Variants in MYLK observed in about 807,000 individuals in gnomAD.
MYLK encodes the protein myosin light chain kinase, smooth muscle.
Under a neutral mutation model 203.4 loss-of-function variants are expected in MYLK, and 106 were observed. The observed-to-expected ratio is 0.52, with a 90% CI of 0.45 to 0.61. MYLK has a LOEUF of 0.61. Among genes scored for constraint, MYLK ranks in the 20% least tolerant of loss-of-function variants. The probability of loss-of-function intolerance (pLI) is 0.00; values close to 1 mark genes in which losing one functional copy is unlikely to be tolerated. For synonymous variants in MYLK, 867 were observed against 959.5 expected (o/e 0.90, Z 1.78); for missense variants, 2,072 against 2,442.3 (o/e 0.85, Z 3.20).
intron 2 of MYLK, among the ~76,000 whole-genome samples, chr3:123,865,667 A>T (rs2032280158): frequency 6.6e-6 from 1 of 152,228 alleles, no homozygotes; most frequent in African/African-American, 2.4e-5. Flanking sequence ...CCTGATCTGA[A>T]GGTGGCAGAT....
chr3:123,625,287 AC>A (rs1406865854), intron 31 of MYLK: 1 of 152,206 alleles, frequency 6.6e-6, no homozygotes, highest in Non-Finnish European at 1.5e-5. Context: ...GATAGTTTAT[AC>A]ATCTTGGTGC....
At chr3:123,808,817 T>C (rs1280608642) in intron 3 of MYLK, among the ~76,000 whole-genome samples, 2 of 152,232 alleles carry the variant, frequency 1.3e-5, no homozygotes, top group East Asian at 1.9e-4. Flanking sequence ...TTCTATAAGA[T>C]ACATACTGTA....
chr3:123,839,764 T>C (rs1402210565), intron 2 of MYLK, among the ~76,000 whole-genome samples: 1 of 152,214 alleles, frequency 6.6e-6, no homozygotes, highest in Admixed American at 6.5e-5. Context: ...CAAATGCATA[T>C]GAAAGATTTA....
At chr3:123,854,640 T>C (rs2031186113) in intron 2 of MYLK, among the ~76,000 whole-genome samples, 1 of 152,156 alleles carries the variant, frequency 6.6e-6, no homozygotes. Flanking sequence ...AAACCTCCTA[T>C]TGGATACAGT....
Position 123,637,973 on chromosome 3 carries a change from A to G in MYLK, c.4961+98T>C, listed in dbSNP as rs536119263. 2,027 of 1,564,006 alleles carry G rather than the reference A, an allele frequency of 1.3e-3. 12 individuals carry two copies. Among genetic ancestry groups the G allele is most frequent in the Middle Eastern group, 0.01 (44 of 4,370 alleles). ...CTGGGGGGGGCTCCCCATCATGACA[A>G]TGGCAGGGCAGCCTGGGGACCCTCC... On this transcript the variant is annotated intron_variant, in intron 29 of 33. Transcript: ENST00000360304.
At chr3:123,632,482 A>G (rs954743113) in intron 29 of MYLK, among the ~76,000 whole-genome samples, 1 of 152,074 alleles carries the variant, frequency 6.6e-6, no homozygotes, top group Non-Finnish European at 1.5e-5. Context: ...ATAGGTCTTA[A>G]TCTCTGCAAC....
chr3:123,797,031 T>A (rs2065012084), intron 3 of MYLK, among the ~76,000 whole-genome samples: 1 of 152,198 alleles, frequency 6.6e-6, no homozygotes, highest in Non-Finnish European at 1.5e-5. Flanking sequence ...TGAGAACTGG[T>A]CAAATACAGT....
At chr3:123,680,357 A>G (rs991915236) in intron 20 of MYLK, among the ~76,000 whole-genome samples, 1 of 152,158 alleles carries the variant, frequency 6.6e-6, no homozygotes, top group Non-Finnish European at 1.5e-5. Flanking sequence ...TAGCTTCTGC[A>G]CCCAGGAGTC....
At chr3:123,692,377 G>T in intron 19 of MYLK, 1 of 1,182,408 alleles carries the variant, frequency 8.5e-7, no homozygotes, top group Non-Finnish European at 1.1e-6. Flanking sequence ...ACACTTGTTT[G>T]TTGTGGCTTT....
At chr3:123,691,826 C>T (rs1560079260) in intron 19 of MYLK, 1 of 152,230 alleles carries the variant, frequency 6.6e-6, no homozygotes, top group Non-Finnish European at 1.5e-5. Context: ...CCTTTTGAGA[C>T]ATTTCCAGGT....
chr3:123,640,558 T>A lies in MYLK; in HGVS notation c.4620-54A>T. The stretch of plus-strand genomic sequence containing the variant: ...GGCCACAGGCTCATGGAGGCCAGGC[T>A]GGCAGGGAGTCTGGCCAGGGTAGGC... On this transcript the variant is annotated intron_variant, in intron 27 of 33. Coordinates refer to ENST00000360304, the MANE Select transcript of MYLK (RefSeq NM_053025.4). The surrounding 1 kb of genome is among the most constrained non-coding windows in gnomAD (Gnocchi z 4.3). 6.3e-7 allele frequency: 1 copy of A among 1,599,270 alleles called. No individual in the cohort carries two copies. Among genetic ancestry groups the A allele is most frequent in the Non-Finnish European group, 8.6e-7 (1 of 1,168,260 alleles).
intron 21 of MYLK, chr3:123,666,799 A>T: frequency 1.8e-6 from 1 of 542,598 alleles, no homozygotes; most frequent in South Asian, 2.2e-5. Context: ...AAATAGCCCC[A>T]AGAGGGTCAT....
At chr3:123,848,236 A>T (rs2030286815) in intron 2 of MYLK, among the ~76,000 whole-genome samples, 1 of 124,574 alleles carries the variant, frequency 8.0e-6, no homozygotes. Flanking sequence ...TCAAAATATT[A>T]TTTGTGGGTC....
chr3:123,688,686 T>C (rs2060552691), intron 19 of MYLK, among the ~76,000 whole-genome samples: 1 of 152,242 alleles, frequency 6.6e-6, no homozygotes, highest in South Asian at 2.1e-4. Flanking sequence ...TGCCCCTTGC[T>C]CATGGCTCCA....
chr3:123,720,066 G>GATAC (rs1157042821), intron 13 of MYLK, among the ~76,000 whole-genome samples: 3 of 152,222 alleles, frequency 2.0e-5, no homozygotes, highest in Admixed American at 2.0e-4. Context: ...CACCATTTAT[G>GATAC]GTATCTGAGC....
chr3:123,754,912 G>A lies in MYLK; in HGVS notation c.166-2374C>T, dbSNP rs115287732. On this transcript the variant is annotated intron_variant, in intron 4 of 33. Coordinates refer to ENST00000360304, the MANE Select transcript of MYLK (RefSeq NM_053025.4). ...AGCCATGCAAATAAATGTTATGCAT[G>A]TTTAAAGGTGACAGATGTCATGCGC... 3.5e-3 allele frequency among the ~76,000 whole-genome samples: 536 copies of A among 152,310 alleles called. 4 individuals carry two copies. Among genetic ancestry groups the A allele is most frequent in the African/African-American group, 0.012 (512 of 41,568 alleles).
chr3:123,873,008 G>A (rs1222690850), intron 2 of MYLK, among the ~76,000 whole-genome samples: 1 of 152,008 alleles, frequency 6.6e-6, no homozygotes, highest in Non-Finnish European at 1.5e-5. Flanking sequence ...CATAAACTCA[G>A]GTATGGTTGA....
intron 3 of MYLK, among the ~76,000 whole-genome samples, chr3:123,809,854 G>C (rs1157131469): frequency 1.3e-5 from 2 of 152,136 alleles, no homozygotes; most frequent in Non-Finnish European, 2.9e-5. Context: ...TCTCAGCAAG[G>C]AAATTCCAGA....
chr3:123,837,548 T>C (rs1285290832), intron 2 of MYLK, among the ~76,000 whole-genome samples: 1 of 148,756 alleles, frequency 6.7e-6, no homozygotes, highest in East Asian at 1.9e-4. Flanking sequence ...TATATATATA[T>C]GCTCTATTGA....
Sources: allele counts gnomAD v4.1 joint callset (sites outside exome capture counted in the v4.1 genomes callset), GRCh38; gene constraint gnomAD v4.1.1; non-coding constraint Gnocchi (gnomAD v3.1); transcripts MANE v1.5; gene names NCBI Gene and HGNC (gene_info 2026-07-23, HGNC 2026-07-21).